Variants in TRIO observed in about 807,000 individuals in gnomAD.
TRIO encodes the protein triple functional domain protein.
Under a neutral mutation model 351.9 loss-of-function variants are expected in TRIO, and 58 were observed. That is an observed-to-expected ratio of 0.16 (90% CI 0.13 to 0.21). The LOEUF (loss-of-function observed/expected upper bound fraction) is 0.21, where lower values mean the gene tolerates loss of function less well. TRIO is among the 10% of genes least tolerant of loss of function. The probability of loss-of-function intolerance (pLI) is 1.00; values close to 1 mark genes in which losing one functional copy is unlikely to be tolerated. For missense variants in TRIO, 3,201 were observed against 4,027.8 expected (o/e 0.79, Z 5.56); for synonymous variants, 1,758 against 1,595.7 (o/e 1.10, Z -2.42).
chr5:14,342,777 C>G (rs940578822), intron 11 of TRIO, among the ~76,000 whole-genome samples: 2 of 152,180 alleles, frequency 1.3e-5, no homozygotes, highest in Non-Finnish European at 1.5e-5. Flanking sequence ...TATTTCCACC[C>G]CACATATACA....
At chr5:14,477,599 T>G (rs32530) in intron 41 of TRIO, among the ~76,000 whole-genome samples, 24,481 of 152,218 alleles carry the variant, frequency 0.16, 2,205 homozygotes, top group Middle Eastern at 0.23. Context: ...TCTTAGACAC[T>G]ATACCAAAAA....
intron 9 of TRIO, among the ~76,000 whole-genome samples, chr5:14,323,395 CAA>C (rs1192645125): frequency 1.3e-5 from 2 of 151,990 alleles, no homozygotes; most frequent in Non-Finnish European, 2.9e-5. Context: ...CTAAGCTAAG[CAA>C]AGAGTAAAAT....
intron 34 of TRIO, among the ~76,000 whole-genome samples, chr5:14,423,606 T>G (rs1223193935): frequency 2.0e-5 from 3 of 152,170 alleles, no homozygotes; most frequent in Non-Finnish European, 4.4e-5. Context: ...CAATGGTCCC[T>G]GGGGATTTAG....
chr5:14,478,222 C>T (rs910716243), intron 41 of TRIO, among the ~76,000 whole-genome samples: 1 of 152,162 alleles, frequency 6.6e-6, no homozygotes, highest in Admixed American at 6.5e-5. Context: ...CGTGTATACT[C>T]CCTGGTTGAG....
chr5:14,413,956 C>T lies in TRIO; in HGVS notation c.4960-5822C>T, dbSNP rs1335758742. Among the ~76,000 whole-genome samples, 20 of 152,246 alleles carry T rather than the reference C, an allele frequency of 1.3e-4. No homozygotes were observed. In the South Asian group the frequency reaches 3.7e-3, roughly 28 times the overall value. ...AAGCTGGTTGAGGTCAGCTAGTTAACGTTAGATCTCAGATCATTGTCCCTC... is the reference window on the plus strand; with the variant it reads ...AAGCTGGTTGAGGTCAGCTAGTTAATGTTAGATCTCAGATCATTGTCCCTC... On this transcript the variant is annotated intron_variant, in intron 33 of 56. Coordinates refer to ENST00000344204, the MANE Select transcript of TRIO (RefSeq NM_007118.4).
In TRIO at chr5:14,508,692, A is replaced by G. The variant is rs1027834409; in HGVS notation, c.*270A>G. 5.3e-6 allele frequency: 2 copies of G among 375,238 alleles called. No homozygotes were observed. The highest frequency in any genetic ancestry group is 9.5e-6 in the Non-Finnish European group (2 of 211,118). 23.2% of individuals were successfully genotyped at this position (375,238 alleles called of 1,614,324 possible). On this transcript the variant is annotated 3_prime_UTR_variant, in exon 57 of 57. Transcript: ENST00000344204. ...CAGGTTTCTGCAAAAAAATAAAAAG[A>G]TAACTTTTTTAAACAAACATGAATA... is the stretch of plus-strand genomic sequence containing the variant.
chr5:14,267,045 T>A (rs1453064145), intron 1 of TRIO, among the ~76,000 whole-genome samples: 4 of 152,178 alleles, frequency 2.6e-5, no homozygotes. Context: ...TGTGACGGAA[T>A]CCAGTCTGTC....
At chr5:14,363,951 G>A (rs1363545018) in intron 14 of TRIO, 24 bp downstream of exon 14, 1 of 1,589,190 alleles carries the variant, frequency 6.3e-7, no homozygotes, top group South Asian at 1.1e-5. Context: ...CTCCATCTGT[G>A]TCCGTTGTGA....
chr5:14,155,022 G>A (rs1788028836), intron 1 of TRIO, among the ~76,000 whole-genome samples: 1 of 152,180 alleles, frequency 6.6e-6, no homozygotes, highest in Non-Finnish European at 1.5e-5. Flanking sequence ...CAAAGCTCAG[G>A]TCCGAATTAA....
intron 11 of TRIO, among the ~76,000 whole-genome samples, chr5:14,349,454 C>T (rs561109325): frequency 6.6e-6 from 1 of 152,236 alleles, no homozygotes; most frequent in South Asian, 2.1e-4. Context: ...TACTTTCAGA[C>T]TATTTTAGAG....
At chr5:14,145,492 A>AC (rs36110495) in intron 1 of TRIO, among the ~76,000 whole-genome samples, 2,816 of 144,888 alleles carry the variant, frequency 0.019, 77 homozygotes, top group African/African-American at 0.059. Flanking sequence ...AAAGAAAGCT[A>AC]CCCCCCCCCA....
At chr5:14,463,024 G>T (rs1416006059) in intron 36 of TRIO, 99 bp downstream of exon 36, 1 of 1,404,836 alleles carries the variant, frequency 7.1e-7, no homozygotes, top group Non-Finnish European at 9.4e-7. Context: ...GAGACAGGAG[G>T]CCCCAAGATG....
intron 33 of TRIO, among the ~76,000 whole-genome samples, chr5:14,410,115 G>A (rs1749071538): frequency 1.3e-5 from 2 of 152,190 alleles, no homozygotes; most frequent in Admixed American, 6.5e-5. Context: ...CGTGTCGTGA[G>A]AACAGAACCA....
At chr5:14,454,782 C>A (rs753639901) in intron 34 of TRIO, among the ~76,000 whole-genome samples, 8 of 152,226 alleles carry the variant, frequency 5.3e-5, no homozygotes, top group African/African-American at 1.9e-4. Flanking sequence ...GGTTCTTGGT[C>A]TCACTGACTT....
rs752676391 is a variant in TRIO, at chr5:14,476,894, C to CT, written c.6092dup (p.Leu2031PhefsTer9). The CT allele has an allele frequency of 4.4e-6, 7 of 1,607,476 alleles. No individual in the cohort carries two copies. Among genetic ancestry groups the CT allele is most frequent in the South Asian group, 3.3e-5 (3 of 90,400 alleles). On this transcript the variant is annotated frameshift_variant and splice_region_variant, in exon 41 of 57. Transcript: ENST00000344204. LOFTEE classifies it high-confidence loss of function. ...CTAATATTTTCTCCTTTCTTTCCAG[C>CT]TTTTTTTTAGGAGAGTTAGAGAAGT... is the stretch of plus-strand genomic sequence containing the variant.
intron 8 of TRIO, among the ~76,000 whole-genome samples, chr5:14,306,124 T>C (rs1738350636): frequency 1.4e-5 from 2 of 147,820 alleles, no homozygotes; most frequent in African/African-American, 2.4e-5. Context: ...TCTAACTGTA[T>C]ATTTGCTTCA....
chr5:14,380,196 C>G (rs1323099914), intron 20 of TRIO, among the ~76,000 whole-genome samples: 1 of 152,206 alleles, frequency 6.6e-6, no homozygotes, highest in Non-Finnish European at 1.5e-5. Flanking sequence ...TCCCTGTCTC[C>G]GTGTCCCTCT....
intron 36 of TRIO, among the ~76,000 whole-genome samples, chr5:14,465,156 C>T (rs985218062): frequency 3.3e-5 from 5 of 152,156 alleles, no homozygotes; most frequent in African/African-American, 4.8e-5. Context: ...TCACTAGACC[C>T]TAAGCCTCTC....
In TRIO at chr5:14,286,387, C is replaced by T. The variant is rs992491216; in HGVS notation, c.348-484C>T. On this transcript the variant is annotated intron_variant, in intron 3 of 56. Coordinates refer to ENST00000344204, the MANE Select transcript of TRIO (RefSeq NM_007118.4). This position sits in a 1 kb window ranked among gnomAD's most constrained non-coding sequence, Gnocchi z 4.4. Reference sequence around the variant, plus strand: ...ATTGCCAGCCATGCTAGTGGGGGGTCATTTTCAGCACCTGGGGTGCTGGGA... The same window carrying T: ...ATTGCCAGCCATGCTAGTGGGGGGTTATTTTCAGCACCTGGGGTGCTGGGA... Among the ~76,000 whole-genome samples, 1 of 152,012 alleles carries T rather than the reference C, an allele frequency of 6.6e-6. No individual in the cohort carries two copies. The highest frequency in any genetic ancestry group is 3.2e-3 in the Middle Eastern group (1 of 316).
Sources: allele counts gnomAD v4.1 joint callset (sites outside exome capture counted in the v4.1 genomes callset), GRCh38; gene constraint gnomAD v4.1.1; non-coding constraint Gnocchi (gnomAD v3.1); transcripts MANE v1.5; gene names NCBI Gene and HGNC (gene_info 2026-07-23, HGNC 2026-07-21).